Variants in BMPR1B observed in about 807,000 individuals in gnomAD.
BMPR1B encodes bone morphogenetic protein receptor type-1B.
In BMPR1B, 12 loss-of-function variants were observed where a neutral mutation model predicts 59.1. The observed-to-expected ratio is 0.20, with a 90% CI of 0.13 to 0.33. The LOEUF (loss-of-function observed/expected upper bound fraction) is 0.33. Among genes scored for constraint, BMPR1B ranks in the 10% least tolerant of loss-of-function variants. The probability of loss-of-function intolerance (pLI) is 1.00; values close to 1 mark genes in which losing one functional copy is unlikely to be tolerated. For synonymous variants in BMPR1B, 237 were observed against 207.3 expected (o/e 1.14, Z -1.23); for missense variants, 550 against 610.9 (o/e 0.90, Z 1.05).
At chr4:95,024,014 T>C (rs1188759254) in intron 3 of BMPR1B, among the ~76,000 whole-genome samples, 1 of 152,148 alleles carries the variant, frequency 6.6e-6, no homozygotes, top group Non-Finnish European at 1.5e-5. Flanking sequence ...TGATCCTTAG[T>C]TCAAGGCACT....
chr4:95,106,432 T>A (rs1731204460), intron 4 of BMPR1B, among the ~76,000 whole-genome samples: 1 of 152,028 alleles, frequency 6.6e-6, no homozygotes, highest in South Asian at 2.1e-4. Flanking sequence ...AAGAAAATGA[T>A]CTTGAGCTAG....
chr4:95,142,984 C>T (rs1734360444), intron 10 of BMPR1B, among the ~76,000 whole-genome samples: 1 of 152,118 alleles, frequency 6.6e-6, no homozygotes, highest in Admixed American at 6.5e-5. Context: ...AATCTTTTGC[C>T]TGCCCTCATT....
intron 1 of BMPR1B, among the ~76,000 whole-genome samples, chr4:94,869,095 AACACACAC>A (rs59407857): frequency 0.11 from 15,668 of 144,478 alleles, 1,324 homozygotes; most frequent in East Asian, 0.46. Context: ...TTTACTATCA[AACACACAC>A]ACACACACAC....
intron 3 of BMPR1B, among the ~76,000 whole-genome samples, chr4:95,101,614 C>T (rs1730825851): frequency 6.6e-6 from 1 of 152,006 alleles, no homozygotes; most frequent in African/African-American, 2.4e-5. Context: ...TAAAAATCAG[C>T]TTTTGTAGCT....
intron 3 of BMPR1B, among the ~76,000 whole-genome samples, chr4:95,022,036 G>C (rs1312652744): frequency 2.0e-5 from 3 of 152,164 alleles, no homozygotes; most frequent in Non-Finnish European, 4.4e-5. Flanking sequence ...TTTTTTGGGA[G>C]AGAAGAAATA....
chr4:95,129,717 T>G, intron 8 of BMPR1B, 145 bp from the exon 9 acceptor site: 1 of 725,148 alleles, frequency 1.4e-6, no homozygotes, highest in East Asian at 2.7e-5. Flanking sequence ...AATTAATAAA[T>G]AAATACAAAT....
intron 1 of BMPR1B, among the ~76,000 whole-genome samples, chr4:94,813,099 A>G (rs986203369): frequency 8.5e-5 from 13 of 152,066 alleles, no homozygotes; most frequent in African/African-American, 2.7e-4. Context: ...CAGAGCACCT[A>G]TGTATGCTCA....
chr4:95,129,079 T>C (rs1488856936), intron 8 of BMPR1B, among the ~76,000 whole-genome samples: 4 of 152,192 alleles, frequency 2.6e-5, no homozygotes, highest in African/African-American at 4.8e-5. Context: ...TCAAGTTGTA[T>C]GGTGGCAAGA....
intron 1 of BMPR1B, among the ~76,000 whole-genome samples, chr4:94,787,047 A>G (rs1369334004): frequency 2.0e-5 from 3 of 152,114 alleles, no homozygotes; most frequent in Non-Finnish European, 4.4e-5. Flanking sequence ...GCGACAAGGA[A>G]TGAATTATTG....
chr4:94,985,529 G>GTGTGTGTT lies in BMPR1B; in HGVS notation c.-112-10504_-112-10503insTTGTGTGT, dbSNP rs1553924112. 3.3e-4 allele frequency among the ~76,000 whole-genome samples: 49 copies of GTGTGTGTT among 148,204 alleles called. 1 individual carries two copies. The highest frequency in any genetic ancestry group is 6.6e-4 in the Non-Finnish European group (44 of 67,110). ...AAGAGCTGTGTGTGTGTGTGTGTGT[G>GTGTGTGTT]TGTGTGTGTGTGTGTGTGTGTGTGT... is the stretch of plus-strand genomic sequence containing the variant. On this transcript the variant is annotated intron_variant, in intron 2 of 12. Transcript: ENST00000515059.
intron 3 of BMPR1B, among the ~76,000 whole-genome samples, chr4:95,007,411 CAG>C (rs1722922082): frequency 6.6e-6 from 1 of 152,050 alleles, no homozygotes; most frequent in Non-Finnish European, 1.5e-5. Context: ...TTATATGAGA[CAG>C]AAAATAATAT....
At chr4:94,856,691 C>A (rs569850933) in intron 1 of BMPR1B, among the ~76,000 whole-genome samples, 9 of 152,250 alleles carry the variant, frequency 5.9e-5, no homozygotes, top group African/African-American at 2.2e-4. Flanking sequence ...CAGCTAAGGG[C>A]ATAATGGGCA....
chr4:95,032,327 C>T (rs1257697084), intron 3 of BMPR1B, among the ~76,000 whole-genome samples: 1 of 151,990 alleles, frequency 6.6e-6, no homozygotes, highest in Non-Finnish European at 1.5e-5. Flanking sequence ...TACCTGGTTT[C>T]TCTTCCACTT....
At position 95,091,503 on chromosome 4, in the gene BMPR1B, C is replaced by A. The variant is rs576695636; in HGVS notation, c.-17-12905C>A. The A allele has an allele frequency of 2.8e-5, 28 of 985,300 alleles. No individual in the cohort carries two copies. The East Asian group carries it at 2.7e-3, about 96-fold the overall frequency. 61.0% of individuals were successfully genotyped at this position (985,300 alleles called of 1,614,324 possible). ...ACTGCTGAATAACATATCACAGGTG[C>A]AGGATTAGTGCTGCCTACGGTGCTG... On this transcript the variant is annotated intron_variant, in intron 3 of 12. Coordinates refer to ENST00000515059, the MANE Select transcript of BMPR1B (RefSeq NM_001203.3).
At chr4:94,804,425 TA>T (rs960052951) in intron 1 of BMPR1B, among the ~76,000 whole-genome samples, 2 of 152,066 alleles carry the variant, frequency 1.3e-5, no homozygotes, top group Non-Finnish European at 2.9e-5. Context: ...GTGAAGCTTG[TA>T]AAAAAATTGT....
chr4:95,063,674 A>G (rs1236703602), intron 3 of BMPR1B, among the ~76,000 whole-genome samples: 1 of 152,210 alleles, frequency 6.6e-6, no homozygotes, highest in East Asian at 1.9e-4. Context: ...GAATTTGTTA[A>G]CAGTAAAATC....
chr4:95,029,574 T>C (rs981623486), intron 3 of BMPR1B, among the ~76,000 whole-genome samples: 3 of 152,176 alleles, frequency 2.0e-5, no homozygotes, highest in African/African-American at 7.2e-5. Context: ...GCAATAAACA[T>C]ACGTGTGCAT....
At chr4:94,785,940 C>T (rs1269401366) in intron 1 of BMPR1B, among the ~76,000 whole-genome samples, 1 of 152,096 alleles carries the variant, frequency 6.6e-6, no homozygotes, top group African/African-American at 2.4e-5. Context: ...GTGACCTTTC[C>T]TGAAGTTAGT....
chr4:95,098,457 T>TGC (rs1318686208), intron 3 of BMPR1B, among the ~76,000 whole-genome samples: 17 of 152,194 alleles, frequency 1.1e-4, no homozygotes, highest in Non-Finnish European at 2.2e-4. Flanking sequence ...TGCATAATTA[T>TGC]AAAGTTAGAT....
Sources: allele counts gnomAD v4.1 joint callset (sites outside exome capture counted in the v4.1 genomes callset), GRCh38; gene constraint gnomAD v4.1.1; transcripts MANE v1.5; gene names NCBI Gene and HGNC (gene_info 2026-07-23, HGNC 2026-07-21).